AGBL4: variants seen among roughly 807,000 people sequenced by gnomAD.
The protein encoded by AGBL4 is AGBL carboxypeptidase 4, also known as cytosolic carboxypeptidase 6.
AGBL4 carries 58 observed loss-of-function variants against 66.4 expected under a neutral mutation model. That is an observed-to-expected ratio of 0.87 (90% CI 0.71 to 1.09). AGBL4 has a LOEUF of 1.09. AGBL4 is among the 50% of genes least tolerant of loss of function. The pLI, the probability that AGBL4 is intolerant of heterozygous loss-of-function variation, is 0.00. For missense variants in AGBL4, 579 were observed against 631.0 expected (o/e 0.92, Z 0.88); for synonymous variants, 234 against 222.9 (o/e 1.05, Z -0.44).
intron 1 of AGBL4, among the ~76,000 whole-genome samples, chr1:50,010,034 G>A (rs372323883): frequency 1.8e-4 from 27 of 152,260 alleles, no homozygotes; most frequent in East Asian, 1.5e-3. Context: ...TCGGCCAGGC[G>A]CAGTGGCTCA....
chr1:49,977,135 T>C (rs1279727594), intron 1 of AGBL4, among the ~76,000 whole-genome samples: 1 of 152,258 alleles, frequency 6.6e-6, no homozygotes, highest in Non-Finnish European at 1.5e-5. Flanking sequence ...CTTCCCTCTA[T>C]CTTTCATTCA....
intron 3 of AGBL4, among the ~76,000 whole-genome samples, chr1:49,363,794 A>T (rs1644188574): frequency 6.6e-6 from 1 of 152,246 alleles, no homozygotes; most frequent in Admixed American, 6.5e-5. Context: ...GTAAACAAAT[A>T]TATAGAGTAC....
chr1:48,925,657 A>T (rs1296833795), intron 5 of AGBL4, among the ~76,000 whole-genome samples: 6 of 152,206 alleles, frequency 3.9e-5, no homozygotes, highest in African/African-American at 1.2e-4. Context: ...GACAAGAAAA[A>T]ATAATCTGCA....
intron 6 of AGBL4, among the ~76,000 whole-genome samples, chr1:48,745,269 G>C (rs143542180): frequency 2.8e-4 from 42 of 152,250 alleles, no homozygotes; most frequent in African/African-American, 8.4e-4. Context: ...TAGAGGCATG[G>C]ACAGGTGGGA....
intron 6 of AGBL4, among the ~76,000 whole-genome samples, chr1:48,709,316 T>TTAAG (rs1646927023): frequency 6.6e-6 from 1 of 152,216 alleles, no homozygotes; most frequent in Admixed American, 6.5e-5. Context: ...GTATATGTTG[T>TTAAG]TAAGTGAGAA....
intron 3 of AGBL4, among the ~76,000 whole-genome samples, chr1:49,593,577 T>C (rs1337863572): frequency 1.3e-5 from 2 of 152,204 alleles, no homozygotes; most frequent in African/African-American, 4.8e-5. Flanking sequence ...TACTTACATA[T>C]AGCAATAAAG....
intron 5 of AGBL4, among the ~76,000 whole-genome samples, chr1:49,037,186 G>A (rs1227351630): frequency 6.6e-6 from 1 of 152,086 alleles, no homozygotes; most frequent in Admixed American, 6.6e-5. Context: ...CAGCTCTAGA[G>A]ATTCTTTTGA....
intron 5 of AGBL4, among the ~76,000 whole-genome samples, chr1:49,016,751 C>T (rs1662856297): frequency 6.6e-6 from 1 of 152,216 alleles, no homozygotes; most frequent in Admixed American, 6.5e-5. Context: ...GCCTTCCCAG[C>T]TGTTACTACC....
At chr1:48,557,577 C>T (rs1268739686) in intron 11 of AGBL4, among the ~76,000 whole-genome samples, 2 of 152,148 alleles carry the variant, frequency 1.3e-5, no homozygotes, top group Admixed American at 6.5e-5. Flanking sequence ...GACTCTGTCT[C>T]GGTTGCAGAG....
intron 9 of AGBL4, among the ~76,000 whole-genome samples, chr1:48,594,288 C>A (rs1173265996): frequency 6.6e-6 from 1 of 152,150 alleles, no homozygotes; most frequent in Admixed American, 6.6e-5. Context: ...CGCACCATTG[C>A]ACTCTGGCCT....
chr1:49,300,270 T>C (rs541323961), intron 3 of AGBL4, among the ~76,000 whole-genome samples: 1 of 152,272 alleles, frequency 6.6e-6, no homozygotes, highest in East Asian at 1.9e-4. Flanking sequence ...CAGACCTGGG[T>C]GTGCATCCCA....
intron 6 of AGBL4, among the ~76,000 whole-genome samples, chr1:48,718,366 C>T (rs887953517): frequency 6.6e-6 from 1 of 152,218 alleles, no homozygotes; most frequent in Non-Finnish European, 1.5e-5. Flanking sequence ...AGATTGGAGC[C>T]AACAAGGCTT....
At chr1:49,932,243 T>A (rs1334247434) in intron 1 of AGBL4, among the ~76,000 whole-genome samples, 1 of 152,124 alleles carries the variant, frequency 6.6e-6, no homozygotes, top group Non-Finnish European at 1.5e-5. Context: ...CAAAGGCAGT[T>A]CAGTCAAGAA....
chr1:49,312,337 A>G (rs896351775), intron 3 of AGBL4, among the ~76,000 whole-genome samples: 1 of 152,072 alleles, frequency 6.6e-6, no homozygotes, highest in Non-Finnish European at 1.5e-5. Context: ...GCAAAGACAG[A>G]GTCCTTATCA....
chr1:48,553,647 C>T (rs1208712326), intron 11 of AGBL4, among the ~76,000 whole-genome samples: 1 of 152,052 alleles, frequency 6.6e-6, no homozygotes, highest in Admixed American at 6.6e-5. Context: ...ATACTACTGA[C>T]AAACTGTGTA....
chr1:49,481,245 A>G (rs1485861397), intron 3 of AGBL4, among the ~76,000 whole-genome samples: 2 of 152,016 alleles, frequency 1.3e-5, no homozygotes, highest in Non-Finnish European at 2.9e-5. Context: ...AACAATAATG[A>G]TTCTTTCTAT....
At chr1:48,878,435 A>G (rs1649432178) in intron 5 of AGBL4, among the ~76,000 whole-genome samples, 1 of 152,176 alleles carries the variant, frequency 6.6e-6, no homozygotes, top group Non-Finnish European at 1.5e-5. Flanking sequence ...ACCATGAACA[A>G]GTCAGTTAAA....
At chr1:48,790,185 C>T (rs568125117) in intron 6 of AGBL4, among the ~76,000 whole-genome samples, 56 of 151,526 alleles carry the variant, frequency 3.7e-4, no homozygotes, top group Non-Finnish European at 6.3e-4. Context: ...AGCAAGAGCA[C>T]GTAACAGATT....
At chr1:49,981,207 C>T (rs1341895410) in intron 1 of AGBL4, among the ~76,000 whole-genome samples, 1 of 152,142 alleles carries the variant, frequency 6.6e-6, no homozygotes, top group Non-Finnish European at 1.5e-5. Context: ...TCTGTACACG[C>T]TTGCTTTATA....
Sources: gnomAD v4.1 joint callset for allele counts (sites outside exome capture counted in the v4.1 genomes callset) on GRCh38, gnomAD v4.1.1 for gene constraint, MANE v1.5 for transcripts, NCBI Gene and HGNC (gene_info 2026-07-23, HGNC 2026-07-21) for gene names.